Variants in PTPRD observed in about 807,000 individuals in gnomAD.
PTPRD encodes the protein receptor-type tyrosine-protein phosphatase delta.
In PTPRD, 34 loss-of-function variants were observed where a neutral mutation model predicts 214.5. The ratio of observed to expected loss-of-function variants is 0.16; its 90% CI spans 0.12 to 0.21. The LOEUF (loss-of-function observed/expected upper bound fraction) is 0.21, where lower values mean the gene tolerates loss of function less well. Among genes scored for constraint, PTPRD ranks in the 10% least tolerant of loss-of-function variants. The probability of loss-of-function intolerance (pLI) is 1.00; values close to 1 mark genes in which losing one functional copy is unlikely to be tolerated. For synonymous variants in PTPRD, 1,128 were observed against 845.7 expected, an observed-to-expected ratio of 1.33 and a Z score of -5.79; for missense variants, 2,545 against 2,398.7, an observed-to-expected ratio of 1.06 and a Z score of -1.27.
intron 2 of PTPRD, among the ~76,000 whole-genome samples, chr9:10,539,753 T>C (rs1266836738): frequency 6.6e-6 from 1 of 152,146 alleles, no homozygotes; most frequent in South Asian, 2.1e-4. Flanking sequence ...GTCAAGACAT[T>C]TTCAGATCCG....
chr9:9,770,589 G>A (rs1402991896), intron 5 of PTPRD, among the ~76,000 whole-genome samples: 1 of 151,918 alleles, frequency 6.6e-6, no homozygotes, highest in East Asian at 1.9e-4. Flanking sequence ...CATTCTGCTT[G>A]TTTTCAAATG....
chr9:10,262,366 A>T (rs1352700461), intron 3 of PTPRD, among the ~76,000 whole-genome samples: 3 of 152,212 alleles, frequency 2.0e-5, no homozygotes, highest in African/African-American at 7.2e-5. Context: ...TCATTTACTC[A>T]TCAGGCATGT....
chr9:9,275,152 A>ATATG (rs1281620564), intron 9 of PTPRD, among the ~76,000 whole-genome samples: 1 of 63,272 alleles, frequency 1.6e-5, no homozygotes, highest in African/African-American at 8.3e-5. Context: ...TATATAATAT[A>ATATG]TTATATATAT....
At chr9:8,748,679 AG>A in intron 11 of PTPRD, among the ~76,000 whole-genome samples, 1 of 152,264 alleles carries the variant, frequency 6.6e-6, no homozygotes, top group African/African-American at 2.4e-5. Context: ...TGAACAGCCA[AG>A]GCAGACGGAT....
intron 2 of PTPRD, among the ~76,000 whole-genome samples, chr9:10,510,779 T>C (rs2047741310): frequency 6.6e-6 from 1 of 152,146 alleles, no homozygotes; most frequent in Non-Finnish European, 1.5e-5. Context: ...ATAGTTGCCC[T>C]ATTGTGCTAC....
intron 8 of PTPRD, among the ~76,000 whole-genome samples, chr9:9,533,143 T>G (rs889905798): frequency 2.0e-5 from 3 of 152,154 alleles, no homozygotes; most frequent in Non-Finnish European, 4.4e-5. Context: ...TTCTTTCTCT[T>G]GATAGTGTGA....
At chr9:8,858,953 G>A (rs568217178) in intron 11 of PTPRD, among the ~76,000 whole-genome samples, 1 of 152,194 alleles carries the variant, frequency 6.6e-6, no homozygotes, top group Non-Finnish European at 1.5e-5. Flanking sequence ...TCTCCTAAGA[G>A]ATGCACACCC....
At chr9:9,731,863 G>T (rs535281740) in intron 7 of PTPRD, among the ~76,000 whole-genome samples, 4 of 152,164 alleles carry the variant, frequency 2.6e-5, no homozygotes, top group Non-Finnish European at 5.9e-5. Context: ...AGAGCAATGT[G>T]TTAGGTATGC....
chr9:10,036,265 A>G (rs1018803414), intron 3 of PTPRD, among the ~76,000 whole-genome samples: 2 of 152,118 alleles, frequency 1.3e-5, no homozygotes, highest in Non-Finnish European at 2.9e-5. Flanking sequence ...CTTGACATCT[A>G]AGACATACAA....
At chr9:10,363,722 G>A (rs2097442054) in intron 2 of PTPRD, among the ~76,000 whole-genome samples, 1 of 152,104 alleles carries the variant, frequency 6.6e-6, no homozygotes, top group African/African-American at 2.4e-5. Context: ...GATTTCAATA[G>A]ATAACCATTG....
intron 3 of PTPRD, among the ~76,000 whole-genome samples, chr9:10,051,736 C>A (rs1054458270): frequency 1.3e-5 from 2 of 152,046 alleles, no homozygotes; most frequent in African/African-American, 4.8e-5. Context: ...CTGTGCCAGG[C>A]ACCCTGTACC....
In PTPRD at chr9:8,800,120, T is replaced by C. The variant is rs146640530; in HGVS notation, c.-103-66174A>G. 6.4e-3 allele frequency among the ~76,000 whole-genome samples: 976 copies of C among 152,136 alleles called. 10 individuals carry two copies. The highest frequency in any genetic ancestry group is 0.022 in the African/African-American group (927 of 41,530). On this transcript the variant is annotated intron_variant, in intron 11 of 45. Transcript: ENST00000381196. ...TAAACAGCAATCATCACTTCTTCATTTCCCTACCTTCCACATATAAGTACA... is the reference window on the plus strand; with the variant it reads ...TAAACAGCAATCATCACTTCTTCATCTCCCTACCTTCCACATATAAGTACA...
At chr9:10,571,878 G>A (rs544057286) in intron 2 of PTPRD, among the ~76,000 whole-genome samples, 2 of 152,236 alleles carry the variant, frequency 1.3e-5, no homozygotes, top group African/African-American at 2.4e-5. Flanking sequence ...GAAAGGAGGC[G>A]GAGCTCAGGC....
intron 3 of PTPRD, among the ~76,000 whole-genome samples, chr9:10,265,937 T>C (rs1026167623): frequency 5.3e-5 from 8 of 152,198 alleles, no homozygotes; most frequent in African/African-American, 1.9e-4. Context: ...CATCACTGAA[T>C]AGAATAAGAA....
At chr9:8,778,768 C>G (rs1036928352) in intron 11 of PTPRD, among the ~76,000 whole-genome samples, 1 of 152,058 alleles carries the variant, frequency 6.6e-6, no homozygotes, top group Non-Finnish European at 1.5e-5. Flanking sequence ...ACCGTGGCTA[C>G]AATATTCATC....
intron 10 of PTPRD, among the ~76,000 whole-genome samples, chr9:9,139,832 G>T (rs1043012128): frequency 2.0e-5 from 3 of 152,154 alleles, no homozygotes; most frequent in Non-Finnish European, 4.4e-5. Flanking sequence ...TTTCTATGAG[G>T]TTGTGATTGA....
Position 10,545,782 on chromosome 9 carries a change from T to G in PTPRD, c.-600+66616A>C, listed in dbSNP as rs987765643. ...AAAGTTCTTTCTTATTGCTAGACAA[T>G]AGAATTCTTGGCATTTCTTTCTTTA... On this transcript the variant is annotated intron_variant, in intron 2 of 45. Coordinates refer to ENST00000381196, the MANE Select transcript of PTPRD (RefSeq NM_002839.4). Among the ~76,000 whole-genome samples, 3 of 152,172 alleles carry G rather than the reference T, an allele frequency of 2.0e-5. No individual in the cohort carries two copies. In the East Asian group the frequency reaches 5.8e-4, roughly 29 times the overall value.
chr9:9,642,892 CAG>C (rs1191788851), intron 7 of PTPRD, among the ~76,000 whole-genome samples: 1 of 152,104 alleles, frequency 6.6e-6, no homozygotes, highest in Admixed American at 6.5e-5. Flanking sequence ...GTTGCAAAAA[CAG>C]AGCTGTGATT....
chr9:10,285,792 A>C (rs1183832283), intron 3 of PTPRD, among the ~76,000 whole-genome samples: 1 of 151,532 alleles, frequency 6.6e-6, no homozygotes, highest in African/African-American at 2.4e-5. Flanking sequence ...TTGTATTTTT[A>C]GTAGAGACCG....
Sources: gnomAD v4.1 joint callset for allele counts (sites outside exome capture counted in the v4.1 genomes callset) on GRCh38, gnomAD v4.1.1 for gene constraint, MANE v1.5 for transcripts, NCBI Gene and HGNC (gene_info 2026-07-23, HGNC 2026-07-21) for gene names.